CNTN5: variants seen among roughly 807,000 people sequenced by gnomAD.
CNTN5 encodes contactin 5, also known as contactin-5.
In CNTN5, 77 loss-of-function variants were observed where a neutral mutation model predicts 129.1. The ratio of observed to expected loss-of-function variants is 0.60; its 90% CI spans 0.50 to 0.72. The LOEUF (loss-of-function observed/expected upper bound fraction) is 0.72. Among genes scored for constraint, CNTN5 ranks in the 30% least tolerant of loss-of-function variants. CNTN5 has a pLI of 0.00. For synonymous variants in CNTN5, 509 were observed against 465.6 expected, an observed-to-expected ratio of 1.09 and a Z score of -1.20; for missense variants, 1,478 against 1,328.8, an observed-to-expected ratio of 1.11 and a Z score of -1.75.
chr11:99,936,037 T>G (rs1950309101), intron 7 of CNTN5, among the ~76,000 whole-genome samples: 1 of 152,192 alleles, frequency 6.6e-6, no homozygotes, highest in Admixed American at 6.5e-5. Flanking sequence ...CCACCAGGAA[T>G]AATGAATCCT....
chr11:99,798,572 C>T lies in CNTN5; in HGVS notation c.56-20972C>T, dbSNP rs145544985. Reference sequence around the variant, plus strand: ...GTTGACTTTGTTGAAGATTAGATGGCTATGGGTATTTGGTGTTATTTCTGG... The same window carrying T: ...GTTGACTTTGTTGAAGATTAGATGGTTATGGGTATTTGGTGTTATTTCTGG... On this transcript the variant is annotated intron_variant, in intron 3 of 24. Transcript: ENST00000524871. 2.3e-4 allele frequency among the ~76,000 whole-genome samples: 35 copies of T among 152,132 alleles called. 1 individual carries two copies. The East Asian group carries it at 6.8e-3, about 29-fold the overall frequency.
intron 13 of CNTN5, among the ~76,000 whole-genome samples, chr11:100,190,570 T>A (rs1370991745): frequency 6.6e-6 from 1 of 152,110 alleles, no homozygotes; most frequent in African/African-American, 2.4e-5. Flanking sequence ...ATCATATTCT[T>A]ATGTTTAGAA....
chr11:99,475,517 T>C (rs1016589216), intron 2 of CNTN5, among the ~76,000 whole-genome samples: 33 of 152,158 alleles, frequency 2.2e-4, no homozygotes, highest in Non-Finnish European at 3.1e-4. Context: ...ATCTCTGTTA[T>C]ATAGCTTACA....
At chr11:99,486,315 T>C (rs1224780072) in intron 2 of CNTN5, among the ~76,000 whole-genome samples, 3 of 152,136 alleles carry the variant, frequency 2.0e-5, no homozygotes, top group African/African-American at 7.2e-5. Context: ...TATACTTTTG[T>C]CTATGCTTAT....
At chr11:99,301,738 C>T (rs1184719541) in intron 1 of CNTN5, among the ~76,000 whole-genome samples, 19 of 151,640 alleles carry the variant, frequency 1.3e-4, no homozygotes, top group African/African-American at 4.1e-4. Flanking sequence ...ACCAATTAGT[C>T]TACACATTTA....
intron 18 of CNTN5, among the ~76,000 whole-genome samples, chr11:100,272,131 T>G (rs1950418401): frequency 1.3e-5 from 2 of 152,206 alleles, no homozygotes; most frequent in Non-Finnish European, 2.9e-5. Context: ...AATGTTTTTA[T>G]GCTCAATGAT....
At chr11:100,073,898 T>TG (rs1944026228) in intron 12 of CNTN5, among the ~76,000 whole-genome samples, 1 of 152,106 alleles carries the variant, frequency 6.6e-6, no homozygotes, top group African/African-American at 2.4e-5. Context: ...AATTAGAACA[T>TG]GTCATTTTTT....
intron 1 of CNTN5, among the ~76,000 whole-genome samples, chr11:99,131,281 T>C (rs1477455324): frequency 7.1e-6 from 1 of 140,264 alleles, no homozygotes; most frequent in Non-Finnish European, 1.5e-5. Context: ...TTTATAGCAC[T>C]AAATGACCAC....
intron 3 of CNTN5, among the ~76,000 whole-genome samples, chr11:99,814,000 T>C (rs79579923): frequency 0.078 from 11,867 of 152,086 alleles, 714 homozygotes; most frequent in African/African-American, 0.17. Context: ...TAATAAAAAT[T>C]AGGTGAGAGA....
At chr11:99,658,364 A>G (rs1022449821) in intron 3 of CNTN5, among the ~76,000 whole-genome samples, 2 of 152,210 alleles carry the variant, frequency 1.3e-5, no homozygotes, top group Non-Finnish European at 2.9e-5. Flanking sequence ...TAAAAGTCTG[A>G]TTTGAAAGGA....
chr11:99,883,974 T>TA (rs1405853500), intron 6 of CNTN5, among the ~76,000 whole-genome samples: 1 of 152,204 alleles, frequency 6.6e-6, no homozygotes, highest in African/African-American at 2.4e-5. Context: ...AAATCACTGG[T>TA]AAAAATTCAT....
At chr11:99,490,975 G>C (rs1256025040) in intron 2 of CNTN5, among the ~76,000 whole-genome samples, 1 of 152,018 alleles carries the variant, frequency 6.6e-6, no homozygotes, top group East Asian at 1.9e-4. Context: ...AGCTAAAACA[G>C]AATACTGGTA....
intron 21 of CNTN5, among the ~76,000 whole-genome samples, chr11:100,326,804 G>T (rs1241741034): frequency 2.0e-5 from 3 of 152,160 alleles, no homozygotes; most frequent in African/African-American, 7.2e-5. Flanking sequence ...TGGCCAAGGA[G>T]GCTTCTTGGT....
chr11:99,963,712 G>C (rs1200640779), intron 8 of CNTN5, among the ~76,000 whole-genome samples: 1 of 152,154 alleles, frequency 6.6e-6, no homozygotes, highest in Non-Finnish European at 1.5e-5. Flanking sequence ...TTAGTAGCTT[G>C]ATGGGGATGG....
chr11:99,546,220 A>T (rs1948286291), intron 2 of CNTN5, among the ~76,000 whole-genome samples: 1 of 152,116 alleles, frequency 6.6e-6, no homozygotes, highest in Non-Finnish European at 1.5e-5. Context: ...ATTTGGAAAG[A>T]TTTCATTTTT....
intron 2 of CNTN5, among the ~76,000 whole-genome samples, chr11:99,408,707 T>C (rs2134996501): frequency 6.6e-6 from 1 of 152,260 alleles, no homozygotes; most frequent in East Asian, 1.9e-4. Flanking sequence ...GTTTATACAC[T>C]TTTTCAGATT....
At chr11:99,186,389 A>G (rs548943838) in intron 1 of CNTN5, among the ~76,000 whole-genome samples, 2 of 152,058 alleles carry the variant, frequency 1.3e-5, no homozygotes, top group Non-Finnish European at 1.5e-5. Flanking sequence ...TTTATTGGGC[A>G]CAGTATTTTC....
chr11:99,342,180 T>A (rs1333030065), intron 2 of CNTN5, among the ~76,000 whole-genome samples: 1 of 152,120 alleles, frequency 6.6e-6, no homozygotes, highest in African/African-American at 2.4e-5. Context: ...TACTTGCTAT[T>A]TGTAAATAAG....
At chr11:99,834,977 A>G (rs896570189) in intron 4 of CNTN5, among the ~76,000 whole-genome samples, 1 of 152,184 alleles carries the variant, frequency 6.6e-6, no homozygotes, top group East Asian at 1.9e-4. Flanking sequence ...GTAATTCAGG[A>G]GTTTCCCTTC....
Sources: allele counts gnomAD v4.1 joint callset (sites outside exome capture counted in the v4.1 genomes callset), GRCh38; gene constraint gnomAD v4.1.1; transcripts MANE v1.5; gene names NCBI Gene and HGNC (gene_info 2026-07-23, HGNC 2026-07-21).